The following KCNH5 variants were observed in gnomAD, a reference collection of about 807,000 sequenced individuals.
KCNH5 encodes the protein voltage-gated delayed rectifier potassium channel KCNH5.
A neutral mutation model predicts 96.1 loss-of-function variants in KCNH5; 46 were observed. The observed-to-expected ratio is 0.48, with a 90% CI of 0.38 to 0.61. The LOEUF (loss-of-function observed/expected upper bound fraction) is 0.61. Ranked by LOEUF, KCNH5 falls within the 20% of genes least tolerant of loss-of-function variation. The pLI, the probability that KCNH5 is intolerant of heterozygous loss-of-function variation, is 0.00. For missense variants in KCNH5, 907 were observed against 1,225.8 expected (o/e 0.74, Z 3.88); for synonymous variants, 439 against 449.8 (o/e 0.98, Z 0.30).
intron 10 of KCNH5, among the ~76,000 whole-genome samples, chr14:62,742,701 C>T (rs1885296421): frequency 6.6e-6 from 1 of 152,088 alleles, no homozygotes; most frequent in Admixed American, 6.6e-5. Flanking sequence ...AAATTCCAGG[C>T]AAAGTGATTA....
At chr14:62,975,488 C>G (rs1228812672) in intron 6 of KCNH5, among the ~76,000 whole-genome samples, 2 of 151,718 alleles carry the variant, frequency 1.3e-5, no homozygotes, top group African/African-American at 4.8e-5. Flanking sequence ...ATAAAACAAT[C>G]ACATATTAAA....
At chr14:63,022,238 C>T (rs1891442053) in intron 1 of KCNH5, among the ~76,000 whole-genome samples, 1 of 152,082 alleles carries the variant, frequency 6.6e-6, no homozygotes, top group South Asian at 2.1e-4. Flanking sequence ...TATCCCATTA[C>T]CCTCGTATCT....
intron 7 of KCNH5, among the ~76,000 whole-genome samples, chr14:62,900,517 T>C (rs1230793051): frequency 1.3e-5 from 2 of 152,166 alleles, no homozygotes; most frequent in Non-Finnish European, 2.9e-5. Flanking sequence ...CTTTTCTTTC[T>C]TTTACATAAA....
chr14:62,801,499 ATTTTTTTTTTTTT>A (rs35409070), intron 9 of KCNH5, among the ~76,000 whole-genome samples: 2 of 108,854 alleles, frequency 1.8e-5, no homozygotes, highest in Non-Finnish European at 3.7e-5. Flanking sequence ...TCATTTGGCA[ATTTTTTTTTTTTT>A]TTTTTTTTTT....
intron 1 of KCNH5, among the ~76,000 whole-genome samples, chr14:63,023,612 G>C (rs1390783319): frequency 6.6e-6 from 1 of 152,092 alleles, no homozygotes; most frequent in Admixed American, 6.5e-5. Context: ...GGACCTGACA[G>C]ATATAGATAT....
intron 8 of KCNH5, among the ~76,000 whole-genome samples, chr14:62,841,195 A>C (rs957081679): frequency 1.3e-5 from 2 of 152,178 alleles, no homozygotes; most frequent in African/African-American, 4.8e-5. Flanking sequence ...ACGCAGTCAA[A>C]TAATAATAAC....
chr14:62,908,028 G>T (rs1208256926), intron 7 of KCNH5, among the ~76,000 whole-genome samples: 3 of 152,068 alleles, frequency 2.0e-5, no homozygotes, highest in South Asian at 4.1e-4. Flanking sequence ...TATCCACAAA[G>T]ACCTTATTTA....
At chr14:62,808,266 T>C (rs1456609195) in intron 8 of KCNH5, among the ~76,000 whole-genome samples, 1 of 152,116 alleles carries the variant, frequency 6.6e-6, no homozygotes, top group Non-Finnish European at 1.5e-5. Context: ...TTAGATAGAA[T>C]AAAGCTAAAG....
rs549947393 is a variant in KCNH5, at chr14:63,027,684, T to A, written c.74-10730A>T. ...ATTCAATTTTTACTTGTTGATTTTT[T>A]AAAAAATTTTTAAGAAAAGTATTGC... On this transcript the variant is annotated intron_variant, in intron 1 of 10. Transcript: ENST00000322893. 3.3e-5 allele frequency among the ~76,000 whole-genome samples: 5 copies of A among 152,022 alleles called. No homozygotes were observed. The South Asian group carries it at 8.3e-4, about 25-fold the overall frequency.
intron 8 of KCNH5, among the ~76,000 whole-genome samples, chr14:62,844,500 A>G (rs180712673): frequency 9.9e-4 from 151 of 152,250 alleles, no homozygotes; most frequent in African/African-American, 3.2e-3. Flanking sequence ...ATTTTTTCCC[A>G]TAATCTCCTC....
At chr14:62,799,935 A>C (rs1331160649) in intron 9 of KCNH5, among the ~76,000 whole-genome samples, 1 of 148,842 alleles carries the variant, frequency 6.7e-6, no homozygotes, top group South Asian at 2.1e-4. Flanking sequence ...TCAAAATTAA[A>C]CTATCAAAAA....
At chr14:62,930,908 T>A in intron 7 of KCNH5, among the ~76,000 whole-genome samples, 1 of 152,128 alleles carries the variant, frequency 6.6e-6, no homozygotes, top group Admixed American at 6.6e-5. Context: ...TTCCTTTAAC[T>A]CTAAAGTATT....
chr14:62,748,634 C>T (rs1885429463), intron 10 of KCNH5, among the ~76,000 whole-genome samples: 1 of 152,086 alleles, frequency 6.6e-6, no homozygotes, highest in African/African-American at 2.4e-5. Flanking sequence ...GTAACTTCTT[C>T]AGGCTGAATA....
chr14:62,783,570 G>A (rs1886261855), intron 9 of KCNH5, among the ~76,000 whole-genome samples: 2 of 151,928 alleles, frequency 1.3e-5, no homozygotes, highest in South Asian at 4.1e-4. Flanking sequence ...CAGCTATTTT[G>A]TTTTCATATA....
At chr14:62,722,306 T>C (rs1884832665) in intron 10 of KCNH5, among the ~76,000 whole-genome samples, 1 of 152,120 alleles carries the variant, frequency 6.6e-6, no homozygotes, top group African/African-American at 2.4e-5. Flanking sequence ...AACATTAAAA[T>C]AAAATTCCCA....
intron 6 of KCNH5, among the ~76,000 whole-genome samples, chr14:62,954,537 T>C (rs1057404891): frequency 1.3e-5 from 2 of 152,202 alleles, no homozygotes; most frequent in Non-Finnish European, 2.9e-5. Flanking sequence ...TTGGAGGGCT[T>C]TGATTAATTA....
intron 7 of KCNH5, among the ~76,000 whole-genome samples, chr14:62,851,327 C>T (rs1225899947): frequency 2.6e-4 from 40 of 151,910 alleles, no homozygotes; most frequent in Admixed American, 2.1e-3. Flanking sequence ...AGTCTTTCAA[C>T]GTCCTGTGTG....
Position 63,045,304 on chromosome 14 carries a change from G to C in KCNH5, c.-118C>G. ...GAAGATTGAGCCGAAAGAAGAGGGG[G>C]CGCGGCGGCGGCGACGGGGTCCCCT... On this transcript the variant is annotated 5_prime_UTR_variant, in exon 1 of 11. Coordinates refer to ENST00000322893, the MANE Select transcript of KCNH5 (RefSeq NM_139318.5). 1 of 828,556 alleles carries C rather than the reference G, an allele frequency of 1.2e-6. No individual in the cohort carries two copies. The highest frequency in any genetic ancestry group is 2.0e-6 in the Non-Finnish European group (1 of 507,244). 51.3% of individuals were successfully genotyped at this position (828,556 alleles called of 1,614,324 possible). A position where few individuals can be genotyped will look rare whatever the true frequency, so the allele number is the denominator to read the frequency against.
chr14:62,836,720 T>C (rs1887472996), intron 8 of KCNH5, among the ~76,000 whole-genome samples: 2 of 152,152 alleles, frequency 1.3e-5, no homozygotes, highest in Non-Finnish European at 2.9e-5. Context: ...TATTAGGGAA[T>C]TGAAAAAATA....
Sources: allele counts gnomAD v4.1 joint callset (sites outside exome capture counted in the v4.1 genomes callset), GRCh38; gene constraint gnomAD v4.1.1; transcripts MANE v1.5; gene names NCBI Gene and HGNC (gene_info 2026-07-23, HGNC 2026-07-21).